Variants in MED29 observed in about 807,000 individuals in gnomAD.
MED29 encodes mediator complex subunit 29.
In MED29, 14 loss-of-function variants were observed where a neutral mutation model predicts 22.0. The ratio of observed to expected loss-of-function variants is 0.64; its 90% confidence interval spans 0.42 to 0.99. MED29 has a LOEUF of 0.99. Ranked by LOEUF, MED29 falls within the 50% of genes least tolerant of loss-of-function variation. The pLI, the probability that MED29 is intolerant of heterozygous loss-of-function variation, is 0.00. For synonymous variants in MED29, 123 were observed against 107.8 expected (o/e 1.14, Z -0.87); for missense variants, 241 against 253.7 (o/e 0.95, Z 0.34).
intron 3 of MED29, among the ~76,000 whole-genome samples, chr19:39,395,471 G>A (rs948468813): frequency 4.6e-5 from 7 of 152,188 alleles, no homozygotes; most frequent in Admixed American, 4.6e-4. Context: ...AAGGACGCCT[G>A]GACTGGGCTC....
chr19:39,393,745 C>T, intron 3 of MED29, 108 bp downstream of exon 3: 3 of 914,550 alleles, frequency 3.3e-6, no homozygotes, highest in Non-Finnish European at 5.4e-6. Context: ...CTCCTGTGGG[C>T]CAGACCTGTG....
intron 2 of MED29, 167 bp downstream of exon 2, chr19:39,392,689 C>T (rs1224920934): frequency 1.8e-5 from 11 of 603,224 alleles, no homozygotes; most frequent in Non-Finnish European, 3.1e-5. Flanking sequence ...TACAGTGGCA[C>T]GATCTTGGCT....
chr19:39,397,040 A>G lies in MED29; in HGVS notation c.361-417A>G, dbSNP rs1054679942. On this transcript the variant is annotated intron_variant, in intron 3 of 3. Coordinates refer to ENST00000315588, the MANE Select transcript of MED29 (RefSeq NM_017592.4). ...CGAAACTCCATCTCAAAAAAAAAAA[A>G]GAAAGTAGTACCTAGAGCAGCCAGA... Among the ~76,000 whole-genome samples the G allele has an allele frequency of 3.3e-5, 5 of 151,624 alleles. 1 individual carries two copies. The South Asian group carries it at 6.3e-4, about 19-fold the overall frequency.
intron 3 of MED29, 87 bp downstream of exon 3, chr19:39,393,724 C>A: frequency 9.0e-7 from 1 of 1,114,560 alleles, no homozygotes; most frequent in South Asian, 1.2e-5. Context: ...AACTCACACT[C>A]AACTGGGGAC....
Position 39,391,524 on chromosome 19 carries a change from G to A in MED29, c.102G>A (p.Pro34=), listed in dbSNP as rs2078378754. The stretch of plus-strand genomic sequence containing the variant: ...CGGGTCCCCAGCAGCAGCCGCAACC[G>A]CCAGCACAACTGGTGGGCCCTGCCC... The part of the protein sequence containing the change: ...GGPGPQQQPQ[P]PAQLVGPAQS... The change falls in exon 1 of 4, where the codon CCG becomes CCA. Residue 34 remains proline (P), a synonymous_variant. Coordinates refer to ENST00000315588, the MANE Select transcript of MED29 (RefSeq NM_017592.4). 1 of 1,613,500 alleles carries A rather than the reference G, an allele frequency of 6.2e-7. No individual in the cohort carries two copies. Among genetic ancestry groups the A allele is most frequent in the African/African-American group, 1.3e-5 (1 of 74,906 alleles).
intron 3 of MED29, among the ~76,000 whole-genome samples, chr19:39,396,360 G>C (rs973930499): frequency 2.0e-5 from 3 of 151,012 alleles, no homozygotes; most frequent in Admixed American, 6.6e-5. Flanking sequence ...TCTTGAACCC[G>C]GGAGGTGGAG....
chr19:39,396,557 C>T (rs557838170), intron 3 of MED29, among the ~76,000 whole-genome samples: 1 of 152,054 alleles, frequency 6.6e-6, no homozygotes, highest in East Asian at 1.9e-4. Context: ...GAAATCCCGT[C>T]TCTACTAAAA....
At position 39,397,807 on chromosome 19, in the gene MED29, A is replaced by C; in HGVS notation, c.*108A>C. On this transcript the variant is annotated 3_prime_UTR_variant, in exon 4 of 4. Transcript: ENST00000315588. ...CAGCCTCCTCTCTTCCTGCCTGAGC[A>C]CCGCAGCGGGAGCCAGCAGGGGGCA... 2 of 1,480,748 alleles carry C rather than the reference A, an allele frequency of 1.4e-6. No individual in the cohort carries two copies. The highest frequency in any genetic ancestry group is 9.0e-7 in the Non-Finnish European group (1 of 1,112,368). 91.7% of individuals were successfully genotyped at this position (1,480,748 alleles called of 1,614,324 possible).
intron 1 of MED29, 45 bp from the exon 2 acceptor site, chr19:39,392,419 T>G: frequency 7.0e-7 from 1 of 1,424,744 alleles, no homozygotes; most frequent in Non-Finnish European, 9.4e-7. Context: ...AGGTATTCCC[T>G]TTTGTTTTTC....
intron 3 of MED29, among the ~76,000 whole-genome samples, chr19:39,395,320 G>C (rs2078422502): frequency 6.6e-6 from 1 of 152,198 alleles, no homozygotes; most frequent in Non-Finnish European, 1.5e-5. Context: ...ATAATCCTAA[G>C]GGCACTGGGG....
In MED29 at chr19:39,393,641, A is replaced by T; in HGVS notation, c.360+4A>T. On this transcript the variant is annotated splice_donor_region_variant and intron_variant, in intron 3 of 3. Transcript: ENST00000315588. ...TGACCAGCTGGAGCTGTGCCTGGTAAGAAGCCTTCTGGACACGGGGTAACA... is the reference window on the plus strand; with the variant it reads ...TGACCAGCTGGAGCTGTGCCTGGTATGAAGCCTTCTGGACACGGGGTAACA... 6.2e-7 allele frequency: 1 copy of T among 1,613,682 alleles called. No homozygotes were observed. Among genetic ancestry groups the T allele is most frequent in the Non-Finnish European group, 8.5e-7 (1 of 1,179,560 alleles).
chr19:39,397,740 G>T lies in MED29; in HGVS notation c.*41G>T. On this transcript the variant is annotated 3_prime_UTR_variant, in exon 4 of 4. Coordinates refer to ENST00000315588, the MANE Select transcript of MED29 (RefSeq NM_017592.4). ...GTGGGGCAGGCAGTGGTTGGTGGGT[G>T]GTGTGCAAAGGGAATGAAGAGCGTC... 1 of 1,590,878 alleles carries T rather than the reference G, an allele frequency of 6.3e-7. No individual in the cohort carries two copies. Among genetic ancestry groups the T allele is most frequent in the Non-Finnish European group, 8.5e-7 (1 of 1,172,768 alleles).
At chr19:39,391,695 C>T (rs2078381658) in intron 1 of MED29, 57 bp downstream of exon 1, 1 of 1,510,716 alleles carries the variant, frequency 6.6e-7, no homozygotes, top group Non-Finnish European at 8.8e-7. Flanking sequence ...GAGGGGCAGG[C>T]CGAGGGCCAG....
In MED29 at chr19:39,392,447, GTTTT is replaced by G; in HGVS notation, c.217-15_217-12del. The G allele has an allele frequency of 6.2e-7, 1 of 1,613,310 alleles. No individual in the cohort carries two copies. Among genetic ancestry groups the G allele is most frequent in the Non-Finnish European group, 8.5e-7 (1 of 1,179,472 alleles). Reference sequence around the variant, plus strand: ...TGTTTTTCCATTTCCCACGTGTTTTGTTTTTGTTTTGACTAGACCTTGATGAAGG... The same window carrying G: ...TGTTTTTCCATTTCCCACGTGTTTTGTGTTTTGACTAGACCTTGATGAAGG... On this transcript the variant is annotated splice_polypyrimidine_tract_variant and intron_variant, in intron 1 of 3. Coordinates refer to ENST00000315588, the MANE Select transcript of MED29 (RefSeq NM_017592.4).
At chr19:39,393,753 G>A in intron 3 of MED29, 116 bp downstream of exon 3, 1 of 845,918 alleles carries the variant, frequency 1.2e-6, no homozygotes, top group Non-Finnish European at 2.0e-6. Flanking sequence ...GGCCAGACCT[G>A]TGCTTCCACC....
In MED29 at chr19:39,397,597, G is replaced by C. The variant is rs779592276; in HGVS notation, c.501G>C (p.Gln167His). The C allele has an allele frequency of 3.1e-6, 5 of 1,613,730 alleles. No homozygotes were observed. The change falls in exon 4 of 4, where the codon CAG (glutamine) becomes CAC (histidine). Residue 167 changes from glutamine (Q) to histidine (H), a missense_variant. Transcript: ENST00000315588. Reference sequence around the variant, plus strand: ...AGTACCTGGCGGTCATCAAAGCCCAGATTTCCTGTGCCAAGGACATTCACA... The same window carrying C: ...AGTACCTGGCGGTCATCAAAGCCCACATTTCCTGTGCCAAGGACATTCACA... Reference protein sequence around the residue: ...YPQYLAVIKAQISCAKDIHTA... With the variant: ...YPQYLAVIKAHISCAKDIHTA...
chr19:39,397,932 T>G lies in MED29; in HGVS notation c.*233T>G. On this transcript the variant is annotated 3_prime_UTR_variant, in exon 4 of 4. Transcript: ENST00000315588. ...AGGGTAGACTTTGAACTGTGTGTGT[T>G]GATGACTTCTCTGTTCCACAGGCCC... 4.5e-6 allele frequency: 3 copies of G among 663,550 alleles called. No individual in the cohort carries two copies. Among genetic ancestry groups the G allele is most frequent in the Non-Finnish European group, 5.0e-6 (2 of 400,356 alleles). 41.1% of individuals were successfully genotyped at this position (663,550 alleles called of 1,614,324 possible).
chr19:39,393,473 TG>T, intron 2 of MED29, 79 bp from the exon 3 acceptor site: 1 of 1,291,472 alleles, frequency 7.7e-7, no homozygotes, highest in Non-Finnish European at 1.1e-6. Context: ...GGTTTCCTGA[TG>T]GACACTTGGT....
intron 1 of MED29, 130 bp from the exon 2 acceptor site, chr19:39,392,334 A>G: frequency 1.3e-6 from 1 of 766,116 alleles, no homozygotes. Flanking sequence ...TACTTTGGAA[A>G]GTCAGGAGGG....
Sources: allele counts gnomAD v4.1 joint callset (sites outside exome capture counted in the v4.1 genomes callset), GRCh38; gene constraint gnomAD v4.1.1; transcripts MANE v1.5; gene names NCBI Gene and HGNC (gene_info 2026-07-23, HGNC 2026-07-21).